The following UTRN variants were observed in gnomAD, a reference collection of about 807,000 sequenced individuals.
UTRN encodes the protein dystrophin-related protein 1.
UTRN carries 283 observed loss-of-function variants against 463.9 expected under a neutral mutation model. That is an observed-to-expected ratio of 0.61 (90% CI 0.55 to 0.67). The LOEUF (loss-of-function observed/expected upper bound fraction) is 0.67. UTRN is among the 30% of genes least tolerant of loss of function. The pLI is 0.00. For missense variants in UTRN, 3,922 were observed against 4,084.3 expected (o/e 0.96, Z 1.08); for synonymous variants, 1,442 against 1,431.5 (o/e 1.01, Z -0.17).
chr6:144,837,327 T>G (rs1464697703), intron 71 of UTRN: 9 of 152,266 alleles, frequency 5.9e-5, no homozygotes, highest in African/African-American at 2.2e-4. Context: ...GCCTGCCATC[T>G]TGTTAGAGAT....
At chr6:144,456,066 C>T (rs572322858) in intron 19 of UTRN, among the ~76,000 whole-genome samples, 3 of 151,862 alleles carry the variant, frequency 2.0e-5, no homozygotes, top group Admixed American at 6.6e-5. Flanking sequence ...ATTAGAGGAC[C>T]CTAATTCTTT....
intron 37 of UTRN, 58 bp from the exon 38 acceptor site, chr6:144,516,171 T>A: frequency 6.4e-7 from 1 of 1,552,378 alleles, no homozygotes. Flanking sequence ...ATCTCTCTGA[T>A]TAATGATGGA....
chr6:144,342,924 A>T (rs1002750947), intron 2 of UTRN, among the ~76,000 whole-genome samples: 24 of 152,206 alleles, frequency 1.6e-4, no homozygotes, highest in Non-Finnish European at 2.9e-4. Context: ...TGACAGTCCT[A>T]GAAGACAGGT....
At chr6:144,572,936 T>C (rs1007350115) in intron 50 of UTRN, among the ~76,000 whole-genome samples, 1 of 152,186 alleles carries the variant, frequency 6.6e-6, no homozygotes, top group African/African-American at 2.4e-5. Flanking sequence ...CTGGGTCAAA[T>C]GGTATTTCTG....
At chr6:144,500,539 A>G (rs921035891) in intron 34 of UTRN, among the ~76,000 whole-genome samples, 7 of 152,168 alleles carry the variant, frequency 4.6e-5, no homozygotes, top group Admixed American at 1.3e-4. Flanking sequence ...AGGCCTTTAT[A>G]GGTATTATTT....
At chr6:144,348,791 G>A (rs1243130647) in intron 2 of UTRN, among the ~76,000 whole-genome samples, 3 of 152,002 alleles carry the variant, frequency 2.0e-5, no homozygotes, top group Non-Finnish European at 4.4e-5. Context: ...AAAATGAGCC[G>A]GGCCTAGTGG....
intron 2 of UTRN, among the ~76,000 whole-genome samples, chr6:144,368,628 G>T (rs1312747081): frequency 6.6e-6 from 1 of 152,058 alleles, no homozygotes; most frequent in East Asian, 1.9e-4. Context: ...GCAAAAATTA[G>T]CTGGGTGTGG....
In UTRN at chr6:144,851,285, G is replaced by T. The variant is rs1782465208; in HGVS notation, c.*288G>T. 3.8e-5 allele frequency: 18 copies of T among 474,960 alleles called. No homozygotes were observed. The South Asian group carries it at 4.0e-4, about 11-fold the overall frequency. 29.4% of individuals were successfully genotyped at this position (474,960 alleles called of 1,614,324 possible). A position where few individuals can be genotyped will look rare whatever the true frequency, so the allele number is the denominator to read the frequency against. ...ATGGTAATACATTTGTCACGGATTT[G>T]TATAATGTATACAGCATTGGGAAAG... On this transcript the variant is annotated 3_prime_UTR_variant, in exon 75 of 75. Coordinates refer to ENST00000367545, the MANE Select transcript of UTRN (RefSeq NM_007124.3).
intron 51 of UTRN, among the ~76,000 whole-genome samples, chr6:144,632,824 C>A (rs1353685688): frequency 6.6e-6 from 1 of 151,638 alleles, no homozygotes; most frequent in Non-Finnish European, 1.5e-5. Context: ...CGGGTTCAAG[C>A]GATTCTCCTG....
chr6:144,621,285 A>T (rs1281390594), intron 51 of UTRN, among the ~76,000 whole-genome samples: 1 of 152,220 alleles, frequency 6.6e-6, no homozygotes, highest in Non-Finnish European at 1.5e-5. Flanking sequence ...TTAGAGAACG[A>T]TAGTTGTTTT....
At chr6:144,393,051 T>TCATC (rs1271896767) in intron 2 of UTRN, among the ~76,000 whole-genome samples, 1 of 123,368 alleles carries the variant, frequency 8.1e-6, no homozygotes, top group Non-Finnish European at 1.6e-5. Flanking sequence ...ATCCATCCAT[T>TCATC]CATCCATCCA....
intron 71 of UTRN, 46 bp downstream of exon 71, chr6:144,836,587 C>G (rs1249296819): frequency 6.2e-7 from 1 of 1,605,404 alleles, no homozygotes; most frequent in Non-Finnish European, 8.5e-7. Flanking sequence ...GGCCATCTGT[C>G]CACTGCCCTG....
chr6:144,622,554 A>C (rs1333403916), intron 51 of UTRN, among the ~76,000 whole-genome samples: 1 of 152,168 alleles, frequency 6.6e-6, no homozygotes, highest in Non-Finnish European at 1.5e-5. Context: ...AATAATAGCC[A>C]GTTATATATT....
At chr6:144,639,159 T>A (rs961795743) in intron 51 of UTRN, among the ~76,000 whole-genome samples, 5 of 152,186 alleles carry the variant, frequency 3.3e-5, no homozygotes, top group Non-Finnish European at 5.9e-5. Flanking sequence ...GCCAAGATCT[T>A]TGATGACCTT....
intron 23 of UTRN, among the ~76,000 whole-genome samples, chr6:144,471,864 C>G (rs2128568081): frequency 6.6e-6 from 1 of 152,276 alleles, no homozygotes; most frequent in South Asian, 2.1e-4. Context: ...CACAGAGAAA[C>G]CTAGCTAGAT....
At chr6:144,411,460 G>A (rs2114818997) in intron 3 of UTRN, among the ~76,000 whole-genome samples, 2 of 152,202 alleles carry the variant, frequency 1.3e-5, no homozygotes, top group Non-Finnish European at 2.9e-5. Flanking sequence ...GATTGTCCGT[G>A]GAGTATGCTA....
chr6:144,678,344 G>A, intron 51 of UTRN, 62 bp from the exon 52 acceptor site: 1 of 1,487,686 alleles, frequency 6.7e-7, no homozygotes, highest in Non-Finnish European at 9.1e-7. Context: ...CAACTCATCT[G>A]TGAATATAAA....
At chr6:144,529,913 T>C (rs894080912) in intron 41 of UTRN, among the ~76,000 whole-genome samples, 6 of 152,212 alleles carry the variant, frequency 3.9e-5, no homozygotes, top group Admixed American at 3.9e-4. Flanking sequence ...AATAAAGCTT[T>C]TCCTTTTTAT....
intron 51 of UTRN, among the ~76,000 whole-genome samples, chr6:144,622,171 A>ATT (rs758978823): frequency 8.8e-5 from 8 of 90,650 alleles, no homozygotes; most frequent in African/African-American, 3.0e-4. Flanking sequence ...GATGGTATCC[A>ATT]TTTTTTTTTG....
Sources: allele counts gnomAD v4.1 joint callset (sites outside exome capture counted in the v4.1 genomes callset), GRCh38; gene constraint gnomAD v4.1.1; transcripts MANE v1.5; gene names NCBI Gene and HGNC (gene_info 2026-07-23, HGNC 2026-07-21).